Variants in OLA1 observed in about 807,000 individuals in gnomAD.
The protein encoded by OLA1 is Obg like ATPase 1, also known as obg-like ATPase 1.
A neutral mutation model predicts 48.4 loss-of-function variants in OLA1; 14 were observed. The observed-to-expected ratio is 0.29, with a 90% CI of 0.19 to 0.45. OLA1 has a LOEUF of 0.45. Among genes scored for constraint, OLA1 ranks in the 20% least tolerant of loss-of-function variants. The probability of loss-of-function intolerance (pLI) is 1.00; values close to 1 mark genes in which losing one functional copy is unlikely to be tolerated. For missense variants in OLA1, 325 were observed against 467.1 expected (o/e 0.70, Z 2.80); for synonymous variants, 127 against 150.4 (o/e 0.84, Z 1.14).
intron 7 of OLA1, among the ~76,000 whole-genome samples, chr2:174,113,979 C>G (rs1334776659): frequency 6.6e-6 from 1 of 151,952 alleles, no homozygotes; most frequent in Non-Finnish European, 1.5e-5. Flanking sequence ...CATCACATAG[C>G]AGGAACTCAA....
intron 4 of OLA1, among the ~76,000 whole-genome samples, chr2:174,156,774 A>C (rs1282810267): frequency 6.6e-6 from 1 of 151,584 alleles, no homozygotes; most frequent in Non-Finnish European, 1.5e-5. Flanking sequence ...TAGTAGAGAC[A>C]GGGTTTCACC....
intron 7 of OLA1, among the ~76,000 whole-genome samples, chr2:174,082,547 C>T (rs762574339): frequency 6.6e-6 from 1 of 152,130 alleles, no homozygotes; most frequent in Non-Finnish European, 1.5e-5. Flanking sequence ...TTAGTTCCTT[C>T]ATGGACTAAC....
intron 3 of OLA1, among the ~76,000 whole-genome samples, chr2:174,225,912 C>CAATTCTGATTTGTGATTTAT (rs1295247515): frequency 1.5e-4 from 18 of 116,146 alleles, no homozygotes; most frequent in Middle Eastern, 4.5e-3. Flanking sequence ...ATGAGCTTCT[C>CAATTCTGATTTGTGATTTAT]GGCCGGGCGC....
chr2:174,108,676 C>T (rs1685568173), intron 7 of OLA1, among the ~76,000 whole-genome samples: 1 of 152,110 alleles, frequency 6.6e-6, no homozygotes, highest in Admixed American at 6.5e-5. Context: ...TAAATGCTGT[C>T]TTGGATGACA....
intron 7 of OLA1, among the ~76,000 whole-genome samples, chr2:174,083,214 GGC>G (rs1684895456): frequency 6.6e-6 from 1 of 152,148 alleles, no homozygotes; most frequent in Middle Eastern, 3.4e-3. Flanking sequence ...TAGTTATTAT[GGC>G]AAAATGCTGT....
chr2:174,192,550 T>C (rs1687796139), intron 4 of OLA1, among the ~76,000 whole-genome samples: 3 of 152,218 alleles, frequency 2.0e-5, no homozygotes, highest in Admixed American at 1.3e-4. Context: ...ATAATATTTA[T>C]TATCTAATCT....
chr2:174,152,087 T>C (rs955730566), intron 4 of OLA1, among the ~76,000 whole-genome samples: 1 of 152,210 alleles, frequency 6.6e-6, no homozygotes, highest in Non-Finnish European at 1.5e-5. Flanking sequence ...TTAAGTAAGA[T>C]GTGTAGTTTT....
chr2:174,090,674 G>A (rs990673152), intron 7 of OLA1, among the ~76,000 whole-genome samples: 1 of 152,170 alleles, frequency 6.6e-6, no homozygotes, highest in African/African-American at 2.4e-5. Context: ...ACCGTAAGAA[G>A]GGAAGTGGGG....
At chr2:174,110,302 AT>A (rs575026912) in intron 7 of OLA1, among the ~76,000 whole-genome samples, 13,658 of 113,800 alleles carry the variant, frequency 0.12, 551 homozygotes, top group Non-Finnish European at 0.16. Flanking sequence ...CCATGCTTGG[AT>A]TTTTTTTTTT....
At chr2:174,137,910 C>T (rs1220091850) in intron 5 of OLA1, among the ~76,000 whole-genome samples, 1 of 152,130 alleles carries the variant, frequency 6.6e-6, no homozygotes, top group African/African-American at 2.4e-5. Context: ...ACCTATAATC[C>T]CAGCTACTTG....
intron 3 of OLA1, among the ~76,000 whole-genome samples, chr2:174,228,528 C>A (rs1574566519): frequency 6.6e-6 from 1 of 152,028 alleles, no homozygotes; most frequent in East Asian, 1.9e-4. Context: ...TATATATTTC[C>A]CTACTGTCTG....
intron 4 of OLA1, among the ~76,000 whole-genome samples, chr2:174,218,532 T>C (rs557544413): frequency 6.6e-6 from 1 of 152,344 alleles, no homozygotes; most frequent in African/African-American, 2.4e-5. Context: ...GAATCCATAG[T>C]TACGAGTTAG....
intron 5 of OLA1, among the ~76,000 whole-genome samples, chr2:174,132,219 C>T (rs72920543): frequency 0.055 from 8,379 of 152,060 alleles, 335 homozygotes; most frequent in Middle Eastern, 0.11. Context: ...GTTCATAATG[C>T]TAGTTTCGCT....
At chr2:174,094,397 T>C (rs1685197179) in intron 7 of OLA1, among the ~76,000 whole-genome samples, 1 of 152,114 alleles carries the variant, frequency 6.6e-6, no homozygotes, top group Non-Finnish European at 1.5e-5. Context: ...CTTTTCAAAA[T>C]CCCGGATTTT....
intron 2 of OLA1, among the ~76,000 whole-genome samples, chr2:174,242,636 T>C (rs1014198101): frequency 2.0e-5 from 3 of 152,024 alleles, no homozygotes; most frequent in Non-Finnish European, 4.4e-5. Flanking sequence ...CATTTTTACA[T>C]GAAGAAAAAA....
At position 174,229,293 on chromosome 2, in the gene OLA1, TA is replaced by T; in HGVS notation, c.245+14del. 1 of 1,610,280 alleles carries T rather than the reference TA, an allele frequency of 6.2e-7. No homozygotes were observed. Among genetic ancestry groups the T allele is most frequent in the Non-Finnish European group, 8.5e-7 (1 of 1,179,036 alleles). The stretch of plus-strand genomic sequence containing the variant: ...ACACAAAATCACCAAATAAATAGCA[TA>T]AAATATCTCTTACCTTGCTGGTTTG... On this transcript the variant is annotated intron_variant, in intron 3 of 10. Transcript: ENST00000284719.
At chr2:174,137,025 T>C (rs2105376832) in intron 5 of OLA1, among the ~76,000 whole-genome samples, 1 of 152,302 alleles carries the variant, frequency 6.6e-6, no homozygotes, top group East Asian at 1.9e-4. Context: ...TTTCAATTTA[T>C]TATGCCCAGA....
In OLA1 at chr2:174,223,097, C is replaced by T. The variant is rs766330169; in HGVS notation, c.309G>A (p.Gly103=). The change falls in exon 4 of 11, where the codon GGG becomes GGA. Residue 103 remains glycine (G), a synonymous_variant. Coordinates refer to ENST00000284719, the MANE Select transcript of OLA1 (RefSeq NM_013341.5). ...ATAAAAAAGCATTCCCCAGGCCCTGCCCATTGTGAGCTCCTTTCACAAGGC... is the reference window on the plus strand; with the variant it reads ...ATAAAAAAGCATTCCCCAGGCCCTGTCCATTGTGAGCTCCTTTCACAAGGC... ...IAGLVKGAHN[G]QGLGNAFLSH... The T allele has an allele frequency of 1.3e-5, 21 of 1,613,730 alleles. No homozygotes were observed. Among genetic ancestry groups the T allele is most frequent in the Non-Finnish European group, 1.4e-5 (17 of 1,179,778 alleles).
rs138635857 is a variant in OLA1 at position 174,200,790 on chromosome 2, G to GAGTA, written c.373+22239_373+22242dup. Reference sequence around the variant, plus strand: ...TTTTAATCCCATCCACATCTCCAAGGAGTAAGGGGAGGAGGCTTAAGACAG... The same window carrying GAGTA: ...TTTTAATCCCATCCACATCTCCAAGGAGTAAGTAAGGGGAGGAGGCTTAAGACAG... On this transcript the variant is annotated intron_variant, in intron 4 of 10. Coordinates refer to ENST00000284719, the MANE Select transcript of OLA1 (RefSeq NM_013341.5). 3.0e-3 allele frequency among the ~76,000 whole-genome samples: 458 copies of GAGTA among 151,988 alleles called. 5 individuals are homozygous for GAGTA. Among genetic ancestry groups the GAGTA allele is most frequent in the African/African-American group, 9.9e-3 (412 of 41,446 alleles).
Sources: allele counts gnomAD v4.1 joint callset (sites outside exome capture counted in the v4.1 genomes callset), GRCh38; gene constraint gnomAD v4.1.1; transcripts MANE v1.5; gene names NCBI Gene and HGNC (gene_info 2026-07-23, HGNC 2026-07-21).